COL18A1: variants seen among roughly 807,000 people sequenced by gnomAD.
COL18A1 encodes the protein collagen type XVIII alpha 1 chain.
In COL18A1, 133 loss-of-function variants were observed where a neutral mutation model predicts 168.0. The ratio of observed to expected loss-of-function variants is 0.79; its 90% CI spans 0.69 to 0.91. The LOEUF (loss-of-function observed/expected upper bound fraction) is 0.91. Ranked by LOEUF, COL18A1 falls within the 40% of genes least tolerant of loss-of-function variation. The pLI, the probability that COL18A1 is intolerant of heterozygous loss-of-function variation, is 0.00. For missense variants in COL18A1, 2,126 were observed against 1,925.4 expected (o/e 1.10, Z -1.95); for synonymous variants, 949 against 809.0 (o/e 1.17, Z -2.94).
intron 2 of COL18A1, chr21:45,456,975 C>T: frequency 9.6e-7 from 1 of 1,040,994 alleles, no homozygotes; most frequent in Non-Finnish European, 1.3e-6. Flanking sequence ...AGGTTCCCCC[C>T]ACATCGAATC....
chr21:45,435,858 G>A lies in COL18A1; in HGVS notation c.106+30385G>A, dbSNP rs552700210. On this transcript the variant is annotated intron_variant, in intron 2 of 41. Coordinates refer to ENST00000651438, the MANE Select transcript of COL18A1 (RefSeq NM_001379500.1). ...TCAGGATCGTGGGTCTGTCAATTGG[G>A]ACACCTATGAACAAATGCTCTTCCC... 3.3e-5 allele frequency among the ~76,000 whole-genome samples: 5 copies of A among 152,266 alleles called. No homozygotes were observed. In the East Asian group the frequency reaches 9.7e-4, roughly 29 times the overall value.
chr21:45,453,544 G>T (rs1377231160), intron 2 of COL18A1, among the ~76,000 whole-genome samples: 1 of 152,206 alleles, frequency 6.6e-6, no homozygotes, highest in East Asian at 1.9e-4. Context: ...TGGCAGAGCC[G>T]CACTAGGATT....
At position 45,509,540 on chromosome 21, in the gene COL18A1, A is replaced by C. The variant is rs1436461236; in HGVS notation, c.3434A>C (p.His1145Pro). The C allele has an allele frequency of 1.3e-6, 2 of 1,538,304 alleles. No homozygotes were observed. The highest frequency in any genetic ancestry group is 1.7e-6 in the Non-Finnish European group (2 of 1,145,544). Residue 1145 changes from histidine to proline, a missense_variant, in exon 39 of 42, where the codon CAC becomes CCC. By Grantham distance (77) the His-to-Pro change is moderately conservative. Transcript: ENST00000651438. ...GCCCCGCACCACAGCTCCTACGTGC[A>C]CCTGCGGCCGGCGCGACCCACAAGC... ...PGAPHHSSYV[H>P]LRPARPTSPP...
chr21:45,510,966 C>A lies in COL18A1; in HGVS notation c.3694-145C>A. On this transcript the variant is annotated intron_variant, in intron 40 of 41. Coordinates refer to ENST00000651438, the MANE Select transcript of COL18A1 (RefSeq NM_001379500.1). The stretch of plus-strand genomic sequence containing the variant: ...ACACACCCACAACACCCCACATACA[C>A]CCCCAAACACCCCCCACACCCCACA... The A allele has an allele frequency of 1.1e-3, 28 of 25,150 alleles. 5 individuals carry two copies. Among genetic ancestry groups the A allele is most frequent in the African/African-American group, 2.3e-3 (3 of 1,306 alleles). The allele number at this position is 25,150 out of a possible 1,614,324, so 1.6% of individuals were successfully genotyped here. A position where few individuals can be genotyped will look rare whatever the true frequency, so the allele number is the denominator to read the frequency against.
chr21:45,455,839 AGAG>A, intron 2 of COL18A1: 2 of 1,613,158 alleles, frequency 1.2e-6, no homozygotes, highest in Non-Finnish European at 1.7e-6. Flanking sequence ...CGGACGCGCC[AGAG>A]GAGAACATTG....
rs117449703 is a variant in COL18A1, at chr21:45,479,685, A to G, written c.1249-217A>G. 2.3e-3 allele frequency among the ~76,000 whole-genome samples: 343 copies of G among 152,166 alleles called. 7 individuals carry two copies. The East Asian group carries it at 0.05, about 22-fold the overall frequency. ...GGAACCTGCTGTGACCTCCCGAGGG[A>G]TGCTGCCCGCAGCTTCCCCCAGGCG... On this transcript the variant is annotated intron_variant, in intron 9 of 41. Coordinates refer to ENST00000651438, the MANE Select transcript of COL18A1 (RefSeq NM_001379500.1).
chr21:45,414,332 G>C (rs1260583461), intron 2 of COL18A1, among the ~76,000 whole-genome samples: 5 of 152,230 alleles, frequency 3.3e-5, no homozygotes, highest in Admixed American at 3.3e-4. Context: ...TCCCCTCGGG[G>C]CAGCAGGACA....
chr21:45,433,349 G>T (rs974988828), intron 2 of COL18A1, among the ~76,000 whole-genome samples: 1 of 152,212 alleles, frequency 6.6e-6, no homozygotes, highest in African/African-American at 2.4e-5. Context: ...TACCCATTGT[G>T]TGTGGATTGG....
intron 2 of COL18A1, among the ~76,000 whole-genome samples, chr21:45,410,362 A>T (rs1014013933): frequency 1.3e-5 from 2 of 152,182 alleles, no homozygotes; most frequent in Non-Finnish European, 2.9e-5. Context: ...CGGCTTCCAG[A>T]AGGCCAGCAG....
intron 2 of COL18A1, among the ~76,000 whole-genome samples, chr21:45,440,573 G>A (rs901473928): frequency 4.6e-4 from 69 of 149,922 alleles, no homozygotes; most frequent in African/African-American, 1.6e-3. Context: ...GCCTGCTGGG[G>A]TTTGAGCCAC....
intron 2 of COL18A1, chr21:45,421,362 G>T: frequency 1.9e-6 from 1 of 527,566 alleles, no homozygotes; most frequent in South Asian, 1.4e-5. Flanking sequence ...GGCCTCAGGA[G>T]AGCTGGGAAG....
intron 2 of COL18A1, among the ~76,000 whole-genome samples, chr21:45,437,698 A>T (rs867649448): frequency 1.4e-5 from 1 of 73,252 alleles, no homozygotes; most frequent in Non-Finnish European, 2.5e-5. Flanking sequence ...GCACACACAC[A>T]CACACACTCA....
chr21:45,427,121 G>T (rs966247415), intron 2 of COL18A1, among the ~76,000 whole-genome samples: 66 of 152,344 alleles, frequency 4.3e-4, no homozygotes, highest in South Asian at 8.3e-4. Context: ...CGGAGCGTGT[G>T]TAGGGCCTGG....
chr21:45,493,796 C>G, intron 26 of COL18A1: 1 of 575,664 alleles, frequency 1.7e-6, no homozygotes, highest in Non-Finnish European at 3.1e-6. Context: ...CCTCTCCCTA[C>G]CCCTGAGCCC....
chr21:45,444,924 A>T (rs1569292995), intron 2 of COL18A1, among the ~76,000 whole-genome samples: 1 of 152,164 alleles, frequency 6.6e-6, no homozygotes, highest in Non-Finnish European at 1.5e-5. Flanking sequence ...AGCATTAAGG[A>T]TTGCGTGGTT....
At chr21:45,470,425 C>CTTTTTTTTTTTTTTTT (rs1195744330) in intron 3 of COL18A1, among the ~76,000 whole-genome samples, 3 of 37,114 alleles carry the variant, frequency 8.1e-5, no homozygotes, top group Admixed American at 3.2e-4. Context: ...TTTACCTTGT[C>CTTTTTTTTTTTTTTTT]TTTTTTTTTT....
chr21:45,445,895 A>G (rs567702803), intron 2 of COL18A1, among the ~76,000 whole-genome samples: 3 of 152,268 alleles, frequency 2.0e-5, no homozygotes, highest in East Asian at 1.9e-4. Flanking sequence ...ATTCTGTGAG[A>G]TGTCATTTCA....
chr21:45,492,541 G>A lies in COL18A1; in HGVS notation c.2164G>A (p.Val722Ile), dbSNP rs750722061. 2.6e-5 allele frequency: 42 copies of A among 1,613,184 alleles called. 1 individual carries two copies. Among genetic ancestry groups the A allele is most frequent in the South Asian group, 2.2e-4 (20 of 91,090 alleles). ...TCCTTTTGCTCGTGGACAGGGATCCGTCCTGAGCGTGCCGGGACCTGAGGT... is the reference window on the plus strand; with the variant it reads ...TCCTTTTGCTCGTGGACAGGGATCCATCCTGAGCGTGCCGGGACCTGAGGT... ...VVYVSEQDGSVLSVPGPEGRP... is the reference protein window; with the variant it reads ...VVYVSEQDGSILSVPGPEGRP... Residue 722 changes from valine (V) to isoleucine (I), a missense_variant, in exon 23 of 42, where the codon GTC (valine) becomes ATC (isoleucine). Transcript: ENST00000651438.
rs1052324262 is a variant in COL18A1 at position 45,498,644 on chromosome 21, G to A, written c.2683+983G>A. On this transcript the variant is annotated intron_variant, in intron 32 of 41. Transcript: ENST00000651438. The surrounding 1 kb of genome is among the most constrained non-coding windows in gnomAD (Gnocchi z 4.5). The stretch of plus-strand genomic sequence containing the variant: ...AGGCAAAGGCAGGCAGAAAGCAAGC[G>A]GGAAGATGGAAGATGTGCCCATGCC... 2.6e-5 allele frequency: 18 copies of A among 699,408 alleles called. No homozygotes were observed. Among genetic ancestry groups the A allele is most frequent in the Middle Eastern group, 2.3e-4 (1 of 4,260 alleles). 43.3% of individuals were successfully genotyped at this position (699,408 alleles called of 1,614,324 possible). A position where few individuals can be genotyped will look rare whatever the true frequency, so the allele number is the denominator to read the frequency against.
Sources: gnomAD v4.1 joint callset for allele counts (sites outside exome capture counted in the v4.1 genomes callset) on GRCh38, gnomAD v4.1.1 for gene constraint, Gnocchi (gnomAD v3.1) non-coding constraint, MANE v1.5 for transcripts, NCBI Gene and HGNC (gene_info 2026-07-23, HGNC 2026-07-21) for gene names.